The following AVL9 variants were observed in gnomAD, a reference collection of about 807,000 sequenced individuals.
The protein encoded by AVL9 is AVL9 cell migration associated.
A neutral mutation model predicts 79.2 loss-of-function variants in AVL9; 49 were observed. The ratio of observed to expected loss-of-function variants is 0.62; its 90% CI spans 0.49 to 0.79. The LOEUF is 0.79. Ranked by LOEUF, AVL9 falls within the 30% of genes least tolerant of loss-of-function variation. The pLI, the probability that AVL9 is intolerant of heterozygous loss-of-function variation, is 0.00. For synonymous variants in AVL9, 299 were observed against 280.6 expected (o/e 1.07, Z -0.65); for missense variants, 682 against 776.8 (o/e 0.88, Z 1.45).
At chr7:32,568,205 A>ATT (rs66792161) in intron 10 of AVL9, among the ~76,000 whole-genome samples, 9,534 of 143,520 alleles carry the variant, frequency 0.066, 400 homozygotes, top group Non-Finnish European at 0.089. Flanking sequence ...TTATTTATTT[A>ATT]TTTTTTTTTT....
intron 11 of AVL9, among the ~76,000 whole-genome samples, chr7:32,572,688 G>T (rs1266626732): frequency 1.3e-5 from 2 of 150,204 alleles, no homozygotes; most frequent in Non-Finnish European, 2.9e-5. Flanking sequence ...TGTAGTCCCA[G>T]CTACTCAGGA....
intron 2 of AVL9, among the ~76,000 whole-genome samples, chr7:32,543,600 A>T (rs1301654939): frequency 6.6e-6 from 1 of 151,916 alleles, no homozygotes; most frequent in Non-Finnish European, 1.5e-5. Context: ...ATTGCTTGGG[A>T]CTCTAGCTGC....
Position 32,583,944 on chromosome 7 carries a change from T to A in AVL9, c.*37T>A. On this transcript the variant is annotated 3_prime_UTR_variant, in exon 16 of 16. Transcript: ENST00000318709. ...GAGGCTGCTATTGCTTTCTGAGGTT[T>A]AAGTGTCCCCTGTCTGTCTGCTGCT... 6.8e-7 allele frequency: 1 copy of A among 1,464,948 alleles called. No homozygotes were observed. The highest frequency in any genetic ancestry group is 9.6e-7 in the Non-Finnish European group (1 of 1,045,396). The allele number at this position is 1,464,948 out of a possible 1,614,324, so 90.7% of individuals were successfully genotyped here. A position where few individuals can be genotyped will look rare whatever the true frequency, so the allele number is the denominator to read the frequency against.
chr7:32,517,228 A>C (rs1268484433), intron 1 of AVL9, among the ~76,000 whole-genome samples: 2 of 152,112 alleles, frequency 1.3e-5, no homozygotes, highest in Non-Finnish European at 2.9e-5. Flanking sequence ...AATGTGGCTT[A>C]AACTTACAGA....
chr7:32,508,970 G>A (rs1003349223), intron 1 of AVL9, among the ~76,000 whole-genome samples: 1 of 152,138 alleles, frequency 6.6e-6, no homozygotes, highest in African/African-American at 2.4e-5. Context: ...TAATCAGCTT[G>A]CCAGGTTCTG....
At chr7:32,519,741 G>A (rs1788061097) in intron 1 of AVL9, among the ~76,000 whole-genome samples, 1 of 152,146 alleles carries the variant, frequency 6.6e-6, no homozygotes, top group Non-Finnish European at 1.5e-5. Flanking sequence ...AAATTATACT[G>A]TATTAGTTCA....
chr7:32,533,280 C>A (rs1378794322), intron 1 of AVL9: 1 of 152,160 alleles, frequency 6.6e-6, no homozygotes, highest in Non-Finnish European at 1.5e-5. Context: ...GCACTCCAGA[C>A]TGGGCGACAG....
rs191306011 is a variant in AVL9, at chr7:32,576,628, C to T, written c.1688+556C>T. Among the ~76,000 whole-genome samples the T allele has an allele frequency of 1.7e-4, 26 of 151,802 alleles. No individual in the cohort carries two copies. The East Asian group carries it at 4.5e-3, about 26-fold the overall frequency. Reference sequence around the variant, plus strand: ...CTGAAACCCATCTCTACTAAAAATACAAAAAAAATTAGCCAGACGTGGTAG... The same window carrying T: ...CTGAAACCCATCTCTACTAAAAATATAAAAAAAATTAGCCAGACGTGGTAG... On this transcript the variant is annotated intron_variant, in intron 13 of 15. Transcript: ENST00000318709.
chr7:32,495,732 G>A lies in AVL9; in HGVS notation c.23G>A (p.Gly8Glu). The change falls in exon 1 of 16, where the codon GGG becomes GAG. Residue 8 changes from glycine to glutamate, a missense_variant. By Grantham distance (98) the Gly-to-Glu change is moderately conservative (BLOSUM62 -2). Transcript: ENST00000318709. MEKARRG[G>E]DGVPRGPVLH... is the part of the protein sequence containing the mutation. ...CCCATGGAGAAGGCCAGGAGAGGCG[G>A]GGATGGCGTCCCCCGGGGGCCCGTA... 7.9e-7 allele frequency: 1 copy of A among 1,262,098 alleles called. No homozygotes were observed. Among genetic ancestry groups the A allele is most frequent in the South Asian group, 3.3e-5 (1 of 30,532 alleles). 78.2% of individuals were successfully genotyped at this position (1,262,098 alleles called of 1,614,324 possible).
intron 8 of AVL9, among the ~76,000 whole-genome samples, chr7:32,558,031 CT>C: frequency 7.0e-6 from 1 of 141,972 alleles, no homozygotes; most frequent in East Asian, 2.1e-4. Flanking sequence ...AATTTTTGTA[CT>C]TTTAGTAGAG....
intron 1 of AVL9, among the ~76,000 whole-genome samples, chr7:32,522,720 C>G (rs563740408): frequency 1.3e-5 from 2 of 151,958 alleles, no homozygotes; most frequent in Non-Finnish European, 2.9e-5. Flanking sequence ...ATTTGGAGGG[C>G]GCAGGGGTGT....
chr7:32,548,652 C>A (rs1253634938), intron 3 of AVL9, among the ~76,000 whole-genome samples, 195 bp from the exon 4 acceptor site: 3 of 152,132 alleles, frequency 2.0e-5, no homozygotes, highest in African/African-American at 7.2e-5. Flanking sequence ...CCCAGTGCCT[C>A]CCACAGATTC....
intron 1 of AVL9, among the ~76,000 whole-genome samples, chr7:32,522,992 C>CCAGCCATG (rs1339198626): frequency 1.8e-4 from 28 of 151,990 alleles, no homozygotes; most frequent in African/African-American, 5.8e-4. Context: ...TGAGGCCTCC[C>CCAGCCATG]CAGCCATGTG....
At chr7:32,530,691 T>G (rs1397130769) in intron 1 of AVL9, among the ~76,000 whole-genome samples, 2 of 152,236 alleles carry the variant, frequency 1.3e-5, no homozygotes, top group African/African-American at 4.8e-5. Context: ...CTCACACCTA[T>G]AATGCCAGCA....
intron 1 of AVL9, chr7:32,531,610 C>G (rs947973393): frequency 6.6e-6 from 1 of 152,092 alleles, no homozygotes; most frequent in African/African-American, 2.4e-5. Context: ...CTCAACTCCT[C>G]GCAGGAGGGA....
intron 2 of AVL9, among the ~76,000 whole-genome samples, chr7:32,543,637 C>T (rs74866785): frequency 0.023 from 3,519 of 152,302 alleles, 149 homozygotes; most frequent in African/African-American, 0.079. Flanking sequence ...GTTATCACTC[C>T]AGTGCCCACC....
intron 13 of AVL9, among the ~76,000 whole-genome samples, chr7:32,578,910 TAAA>T (rs1270125709): frequency 6.6e-6 from 1 of 152,120 alleles, no homozygotes; most frequent in African/African-American, 2.4e-5. Context: ...CTTTAACTCC[TAAA>T]GATTAGGGAA....
rs7384279 is a variant in AVL9, at chr7:32,586,471, C to G, written c.*2564C>G. ...ACCCCTGGTCCTGTGACCCCCCCCC[C>G]CCACACACACACATACTTCAGGCTT... On this transcript the variant is annotated 3_prime_UTR_variant, in exon 16 of 16. Transcript: ENST00000318709. 3.0e-5 allele frequency: 4 copies of G among 132,160 alleles called. No individual in the cohort carries two copies. Among genetic ancestry groups the G allele is most frequent in the South Asian group, 2.6e-4 (1 of 3,866 alleles). 8.2% of individuals were successfully genotyped at this position (132,160 alleles called of 1,614,324 possible). A position where few individuals can be genotyped will look rare whatever the true frequency, so the allele number is the denominator to read the frequency against.
At chr7:32,567,866 C>G (rs781034089) in intron 10 of AVL9, among the ~76,000 whole-genome samples, 1 of 151,716 alleles carries the variant, frequency 6.6e-6, no homozygotes, top group South Asian at 2.1e-4. Context: ...TACAGGCACT[C>G]GCCACCACAG....
Sources: allele counts gnomAD v4.1 joint callset (sites outside exome capture counted in the v4.1 genomes callset), GRCh38; gene constraint gnomAD v4.1.1; transcripts MANE v1.5; gene names NCBI Gene and HGNC (gene_info 2026-07-23, HGNC 2026-07-21).